PTPRD: variants seen among roughly 807,000 people sequenced by gnomAD.
PTPRD encodes the protein protein tyrosine phosphatase receptor type D.
In PTPRD, 34 loss-of-function variants were observed where a neutral mutation model predicts 214.5. That is an observed-to-expected ratio of 0.16 (90% CI 0.12 to 0.21). The LOEUF is 0.21. PTPRD is among the 10% of genes least tolerant of loss of function. The pLI, the probability that PTPRD is intolerant of heterozygous loss-of-function variation, is 1.00. For missense variants in PTPRD, 2,545 were observed against 2,398.7 expected, an observed-to-expected ratio of 1.06 and a Z score of -1.27; for synonymous variants, 1,128 against 845.7, an observed-to-expected ratio of 1.33 and a Z score of -5.79.
At chr9:8,681,393 G>A (rs997512063) in intron 12 of PTPRD, among the ~76,000 whole-genome samples, 5 of 152,158 alleles carry the variant, frequency 3.3e-5, no homozygotes, top group African/African-American at 1.2e-4. Flanking sequence ...GATGCAGTGG[G>A]TTACAGTTTT....
intron 7 of PTPRD, among the ~76,000 whole-genome samples, chr9:9,708,986 G>C (rs1032195601): frequency 6.6e-6 from 1 of 151,886 alleles, no homozygotes; most frequent in Non-Finnish European, 1.5e-5. Context: ...ATTATACCAT[G>C]AGCTTCTTGA....
At chr9:8,433,870 G>A (rs187909056) in intron 35 of PTPRD, among the ~76,000 whole-genome samples, 2 of 152,298 alleles carry the variant, frequency 1.3e-5, no homozygotes, top group East Asian at 3.9e-4. Flanking sequence ...GTAGTATACA[G>A]TAACGTCCTA....
chr9:8,485,439 GA>G (rs1337710602), intron 28 of PTPRD, 115 bp from the exon 29 acceptor site: 13 of 715,026 alleles, frequency 1.8e-5, no homozygotes, highest in Non-Finnish European at 2.8e-5. Flanking sequence ...ATCAGAGAGA[GA>G]AGTATGATTT....
At chr9:9,629,331 T>G (rs919285402) in intron 7 of PTPRD, among the ~76,000 whole-genome samples, 1 of 151,334 alleles carries the variant, frequency 6.6e-6, no homozygotes, top group Non-Finnish European at 1.5e-5. Flanking sequence ...TTACTTAACT[T>G]TAATTATATA....
rs563415207 is a variant in PTPRD, at chr9:10,560,411, G to A, written c.-600+51987C>T. ...CATCACACTCTGGGGACAGTTGTGG[G>A]GTGGGGGGAGTGGGGAGGGATAGCA... On this transcript the variant is annotated intron_variant, in intron 2 of 45. Transcript: ENST00000381196. Among the ~76,000 whole-genome samples, 4 of 152,114 alleles carry A rather than the reference G, an allele frequency of 2.6e-5. No individual in the cohort carries two copies. In the South Asian group the frequency reaches 6.2e-4, roughly 24 times the overall value.
intron 2 of PTPRD, among the ~76,000 whole-genome samples, chr9:10,559,069 A>C (rs2063264203): frequency 6.6e-6 from 1 of 152,162 alleles, no homozygotes; most frequent in African/African-American, 2.4e-5. Flanking sequence ...ACTTCATGAG[A>C]GTAAAAACAA....
rs148874271 is a variant in PTPRD at position 10,094,734 on chromosome 9, G to T, written c.-544-60944C>A. Among the ~76,000 whole-genome samples, 715 of 151,320 alleles carry T rather than the reference G, an allele frequency of 4.7e-3. 3 individuals carry two copies. Among genetic ancestry groups the T allele is most frequent in the Admixed American group, 0.01 (154 of 15,096 alleles). On this transcript the variant is annotated intron_variant, in intron 3 of 45. Coordinates refer to ENST00000381196, the MANE Select transcript of PTPRD (RefSeq NM_002839.4). ...AATTGAAGTAAGGAATTAAAATAAT[G>T]GCTCTCATGGCAAAATACTGCTGTG... is the stretch of plus-strand genomic sequence containing the variant.
At chr9:9,493,649 G>A (rs2096024910) in intron 8 of PTPRD, among the ~76,000 whole-genome samples, 2 of 151,744 alleles carry the variant, frequency 1.3e-5, no homozygotes, top group South Asian at 2.1e-4. Context: ...TTAGCCGGGT[G>A]TGGTGGCGGT....
At chr9:8,430,248 G>T (rs2094950528) in intron 35 of PTPRD, among the ~76,000 whole-genome samples, 2 of 151,734 alleles carry the variant, frequency 1.3e-5, no homozygotes, top group Admixed American at 6.6e-5. Context: ...TGACCACTGG[G>T]ATGCCCATTA....
intron 11 of PTPRD, among the ~76,000 whole-genome samples, chr9:8,752,078 T>C (rs2093591465): frequency 1.3e-5 from 2 of 152,152 alleles, no homozygotes; most frequent in African/African-American, 4.8e-5. Context: ...CTGCCACCGC[T>C]GTCAGAGATG....
At chr9:8,533,116 T>G (rs939509316) in intron 14 of PTPRD, among the ~76,000 whole-genome samples, 4 of 152,090 alleles carry the variant, frequency 2.6e-5, no homozygotes, top group African/African-American at 9.7e-5. Context: ...TCACTGTTCA[T>G]GCATAAACAA....
intron 11 of PTPRD, among the ~76,000 whole-genome samples, chr9:8,880,222 G>T (rs1485683131): frequency 6.6e-6 from 1 of 152,086 alleles, no homozygotes. Flanking sequence ...TTTGATATAA[G>T]CTGGGAGGGT....
intron 3 of PTPRD, among the ~76,000 whole-genome samples, chr9:10,163,865 G>A (rs1378401928): frequency 6.6e-6 from 1 of 151,110 alleles, no homozygotes; most frequent in Middle Eastern, 3.2e-3. Flanking sequence ...CTTTTTGAAG[G>A]GTCATTTAGA....
intron 44 of PTPRD, among the ~76,000 whole-genome samples, chr9:8,330,322 G>C (rs1269314290): frequency 6.6e-6 from 1 of 152,028 alleles, no homozygotes; most frequent in Non-Finnish European, 1.5e-5. Flanking sequence ...CATCTTTCCA[G>C]CTCTTGTAAG....
At chr9:9,430,607 C>A (rs950980596) in intron 8 of PTPRD, among the ~76,000 whole-genome samples, 2 of 152,120 alleles carry the variant, frequency 1.3e-5, no homozygotes, top group Non-Finnish European at 2.9e-5. Flanking sequence ...CAATCCTAAG[C>A]CAAAAGAACA....
intron 3 of PTPRD, among the ~76,000 whole-genome samples, chr9:10,179,177 C>T (rs1452181594): frequency 2.0e-5 from 3 of 151,832 alleles, no homozygotes; most frequent in Non-Finnish European, 4.4e-5. Context: ...GCAGTGGATG[C>T]AGCAAGACAC....
intron 4 of PTPRD, among the ~76,000 whole-genome samples, chr9:10,023,241 C>A (rs962805301): frequency 6.6e-6 from 1 of 152,010 alleles, no homozygotes; most frequent in Non-Finnish European, 1.5e-5. Flanking sequence ...AAGTGTATAA[C>A]CAATCATTAT....
chr9:8,544,771 G>A (rs1053131563), intron 14 of PTPRD, among the ~76,000 whole-genome samples: 5 of 151,642 alleles, frequency 3.3e-5, no homozygotes, highest in Non-Finnish European at 7.4e-5. Context: ...ATGCCTGGTC[G>A]CCATTACTTT....
In PTPRD at chr9:10,513,234, T is replaced by C. The variant is rs185406823; in HGVS notation, c.-600+99164A>G. Among the ~76,000 whole-genome samples, 4 of 152,032 alleles carry C rather than the reference T, an allele frequency of 2.6e-5. No individual in the cohort carries two copies. The East Asian group carries it at 7.7e-4, about 29-fold the overall frequency. On this transcript the variant is annotated intron_variant, in intron 2 of 45. Coordinates refer to ENST00000381196, the MANE Select transcript of PTPRD (RefSeq NM_002839.4). Reference sequence around the variant, plus strand: ...TGAAGCGTTTATTTTAAAAATGTTGTTTGGAAGTTATATAAGGATAATGTC... The same window carrying C: ...TGAAGCGTTTATTTTAAAAATGTTGCTTGGAAGTTATATAAGGATAATGTC...
Sources: allele counts gnomAD v4.1 joint callset (sites outside exome capture counted in the v4.1 genomes callset), GRCh38; gene constraint gnomAD v4.1.1; transcripts MANE v1.5; gene names NCBI Gene and HGNC (gene_info 2026-07-23, HGNC 2026-07-21).